The following MYO9A variants were observed in gnomAD, a reference collection of about 807,000 sequenced individuals.
MYO9A encodes myosin IXA.
In MYO9A, 103 loss-of-function variants were observed where a neutral mutation model predicts 293.3. That is an observed-to-expected ratio of 0.35 (90% CI 0.30 to 0.41). MYO9A has a LOEUF of 0.41. Ranked by LOEUF, MYO9A falls within the 10% of genes least tolerant of loss-of-function variation. MYO9A has a pLI of 1.00. For missense variants in MYO9A, 2,685 were observed against 3,033.0 expected (o/e 0.89, Z 2.69); for synonymous variants, 1,001 against 1,035.7 (o/e 0.97, Z 0.64).
At chr15:71,832,801 G>A (rs561926724) in intron 39 of MYO9A, among the ~76,000 whole-genome samples, 2 of 152,118 alleles carry the variant, frequency 1.3e-5, no homozygotes, top group South Asian at 2.1e-4. Context: ...ACATAATAGC[G>A]ATGTGTTGAA....
Position 72,118,066 on chromosome 15 carries a change from T to C in MYO9A, c.-458A>G, listed in dbSNP as rs1275163049. 7 of 394,766 alleles carry C rather than the reference T, an allele frequency of 1.8e-5. No individual in the cohort carries two copies. Among genetic ancestry groups the C allele is most frequent in the Non-Finnish European group, 2.7e-5 (6 of 223,636 alleles). The allele number at this position is 394,766 out of a possible 1,614,324, so 24.5% of individuals were successfully genotyped here. On this transcript the variant is annotated 5_prime_UTR_variant, in exon 1 of 42. Transcript: ENST00000356056. ...CAGCCAACCGCCGCCGCGTCCCTTA[T>C]CCGCTTCGGTCGCGCGCCCCCGACC...
intron 26 of MYO9A, 52 bp from the exon 27 acceptor site, chr15:71,888,168 C>G: frequency 3.2e-6 from 3 of 946,212 alleles, no homozygotes; most frequent in Non-Finnish European, 4.9e-6. Context: ...TATATGATAG[C>G]ACTGTAATTT....
chr15:71,845,988 C>T (rs1163700332), intron 39 of MYO9A, among the ~76,000 whole-genome samples: 1 of 152,150 alleles, frequency 6.6e-6, no homozygotes. Context: ...GCAAGTGAAA[C>T]AAATGGCGAT....
intron 30 of MYO9A, 110 bp downstream of exon 30, chr15:71,879,611 G>A (rs2056810775): frequency 1.4e-6 from 1 of 727,996 alleles, no homozygotes; most frequent in East Asian, 2.7e-5. Flanking sequence ...ACAAAAACAA[G>A]GCACTGGAGA....
intron 1 of MYO9A, among the ~76,000 whole-genome samples, chr15:72,082,422 G>A (rs2079575262): frequency 6.6e-6 from 1 of 152,076 alleles, no homozygotes. Context: ...GCAGCTTTTG[G>A]GCTGAGATTA....
At chr15:72,006,231 G>A (rs1018072283) in intron 8 of MYO9A, among the ~76,000 whole-genome samples, 4 of 151,794 alleles carry the variant, frequency 2.6e-5, no homozygotes, top group African/African-American at 7.3e-5. Flanking sequence ...ACGTCACCAC[G>A]CCCAGCTAAT....
Position 71,994,594 on chromosome 15 carries a change from C to T in MYO9A, c.1471-9G>A. 1 of 1,534,294 alleles carries T rather than the reference C, an allele frequency of 6.5e-7. No homozygotes were observed. The highest frequency in any genetic ancestry group is 2.3e-5 in the East Asian group (1 of 44,078). ...TTCCTCACTGTCACAGCCTGAAAAACAAAAGCATTACAAGTGCATGTAGAA... is the reference window on the plus strand; with the variant it reads ...TTCCTCACTGTCACAGCCTGAAAAATAAAAGCATTACAAGTGCATGTAGAA... On this transcript the variant is annotated splice_polypyrimidine_tract_variant and intron_variant, in intron 9 of 41. Coordinates refer to ENST00000356056, the MANE Select transcript of MYO9A (RefSeq NM_006901.4).
At position 71,856,611 on chromosome 15, in the gene MYO9A, A is replaced by G. The variant is rs558092170; in HGVS notation, c.6154-2042T>C. On this transcript the variant is annotated intron_variant, in intron 34 of 41. Transcript: ENST00000356056. ...ACCAGATAATTTTAAATAAAGGAAT[A>G]ATCAGTTTATTAGTTTTAGCAGTAT... Among the ~76,000 whole-genome samples, 7 of 152,308 alleles carry G rather than the reference A, an allele frequency of 4.6e-5. No individual in the cohort carries two copies. In the East Asian group the frequency reaches 1.3e-3, roughly 29 times the overall value.
intron 1 of MYO9A, among the ~76,000 whole-genome samples, chr15:72,113,796 T>C (rs1186883754): frequency 1.3e-5 from 2 of 152,116 alleles, no homozygotes; most frequent in Non-Finnish European, 2.9e-5. Context: ...TACACAGACT[T>C]GTTAGCAATC....
chr15:71,988,377 A>T (rs1245347024), intron 11 of MYO9A, among the ~76,000 whole-genome samples: 1 of 152,238 alleles, frequency 6.6e-6, no homozygotes, highest in Non-Finnish European at 1.5e-5. Flanking sequence ...TTTAGACAAC[A>T]TCTGAAAAAC....
chr15:71,879,429 C>T (rs891588188), intron 30 of MYO9A, among the ~76,000 whole-genome samples: 1 of 152,038 alleles, frequency 6.6e-6, no homozygotes, highest in Non-Finnish European at 1.5e-5. Flanking sequence ...CAGGCAAAAA[C>T]AGAATCATAC....
At chr15:71,844,679 T>G (rs1303149698) in intron 39 of MYO9A, among the ~76,000 whole-genome samples, 1 of 152,186 alleles carries the variant, frequency 6.6e-6, no homozygotes, top group Non-Finnish European at 1.5e-5. Context: ...CTTCTGAAAA[T>G]TCTGTAAGGC....
chr15:71,904,939 G>C lies in MYO9A; in HGVS notation c.2753C>G (p.Ser918Cys). ...GGACATTTTTACCTTTTCAGCATTA[G>C]AGCGAATGCATTTTACAAAATATGG... The part of the protein sequence containing the change: ...AEPYFVKCIR[S>C]NAEKLPLRFS... Residue 918 changes from serine to cysteine, a missense_variant, in exon 20 of 42, where the codon TCT becomes TGT. Physicochemically the swap from Ser to Cys is moderately radical, Grantham distance 112 (BLOSUM62 -1). This residue lies in a region of MYO9A where 1,434 missense variants were observed against 1,497.7 expected (regional missense o/e 0.96). Coordinates refer to ENST00000356056, the MANE Select transcript of MYO9A (RefSeq NM_006901.4). 6.2e-7 allele frequency: 1 copy of C among 1,604,720 alleles called. No individual in the cohort carries two copies. The highest frequency in any genetic ancestry group is 8.5e-7 in the Non-Finnish European group (1 of 1,173,714).
intron 39 of MYO9A, among the ~76,000 whole-genome samples, chr15:71,841,271 T>C (rs1489928402): frequency 6.6e-6 from 1 of 152,192 alleles, no homozygotes; most frequent in Non-Finnish European, 1.5e-5. Context: ...CAAATAATAG[T>C]GGGGATAATG....
intron 6 of MYO9A, among the ~76,000 whole-genome samples, chr15:72,014,624 T>G (rs868537536): frequency 1.3e-4 from 20 of 151,398 alleles, no homozygotes; most frequent in African/African-American, 4.1e-4. Context: ...AGGTGGGAGT[T>G]GCAGTGAGCT....
intron 18 of MYO9A, 92 bp from the exon 19 acceptor site, chr15:71,916,584 G>A: frequency 1.1e-5 from 13 of 1,231,602 alleles, no homozygotes; most frequent in Non-Finnish European, 1.5e-5. Flanking sequence ...CTATCTATAT[G>A]ACCATTTCCC....
At chr15:72,046,863 T>A (rs1311784316) in intron 1 of MYO9A, among the ~76,000 whole-genome samples, 1 of 152,240 alleles carries the variant, frequency 6.6e-6, no homozygotes, top group African/African-American at 2.4e-5. Context: ...TATATTTCAA[T>A]GTTTTATTAT....
chr15:71,899,474 T>C (rs2057421323), intron 24 of MYO9A, among the ~76,000 whole-genome samples: 1 of 152,206 alleles, frequency 6.6e-6, no homozygotes, highest in East Asian at 1.9e-4. Flanking sequence ...TCACAGACCA[T>C]GTAGATTTTC....
At chr15:71,849,009 A>AT in intron 38 of MYO9A, 41 bp from the exon 39 acceptor site, 1 of 1,534,276 alleles carries the variant, frequency 6.5e-7, no homozygotes, top group Non-Finnish European at 8.7e-7. Flanking sequence ...TAAGAGGTGA[A>AT]GTAAATAAAG....
Sources: allele counts gnomAD v4.1 joint callset (sites outside exome capture counted in the v4.1 genomes callset), GRCh38; gene constraint gnomAD v4.1.1; regional missense constraint gnomAD v4.1.1; transcripts MANE v1.5; gene names NCBI Gene and HGNC (gene_info 2026-07-23, HGNC 2026-07-21).